CNPY3: variants seen among roughly 807,000 people sequenced by gnomAD.
The protein encoded by CNPY3 is canopy FGF signaling regulator 3.
CNPY3 carries 20 observed loss-of-function variants against 32.0 expected under a neutral mutation model. That is an observed-to-expected ratio of 0.63 (90% CI 0.44 to 0.91). CNPY3 has a LOEUF of 0.91. CNPY3 is among the 40% of genes least tolerant of loss of function. CNPY3 has a pLI of 0.00. For missense variants in CNPY3, 299 were observed against 340.8 expected (o/e 0.88, Z 0.97); for synonymous variants, 138 against 142.9 (o/e 0.97, Z 0.24).
chr6:42,931,684 G>A (rs575821951), intron 1 of CNPY3, among the ~76,000 whole-genome samples: 5 of 151,288 alleles, frequency 3.3e-5, no homozygotes, highest in East Asian at 3.9e-4. Context: ...GCCTTTCAGC[G>A]TTTCGCTTCC....
At chr6:42,930,306 C>T (rs1056266792) in intron 1 of CNPY3, among the ~76,000 whole-genome samples, 13 of 152,112 alleles carry the variant, frequency 8.5e-5, no homozygotes, top group Admixed American at 5.9e-4. Flanking sequence ...AACAACTCCT[C>T]GAAGGCAGGA....
intron 1 of CNPY3, among the ~76,000 whole-genome samples, chr6:42,930,534 A>G (rs1251432321): frequency 6.6e-6 from 1 of 152,112 alleles, no homozygotes; most frequent in Non-Finnish European, 1.5e-5. Context: ...GCGTTGAGGA[A>G]CTACAGAGAG....
upstream of CNPY3, among the ~76,000 whole-genome samples, chr6:42,928,576 G>A (rs978403573): frequency 1.3e-5 from 2 of 152,216 alleles, no homozygotes; most frequent in African/African-American, 4.8e-5. Flanking sequence ...GAGCCATTAA[G>A]TGTTCCCCTT....
chr6:42,929,472 G>C, upstream of CNPY3: 3 of 1,266,352 alleles, frequency 2.4e-6, no homozygotes, highest in Non-Finnish European at 3.2e-6. Flanking sequence ...TTGCTCGGAG[G>C]CACGTGTGCA....
chr6:42,931,229 T>A (rs1330748348), intron 1 of CNPY3, among the ~76,000 whole-genome samples: 4 of 27,104 alleles, frequency 1.5e-4, no homozygotes, highest in African/African-American at 1.3e-3. Context: ...CCTGATAGCT[T>A]TTTTTTTTTT....
At chr6:42,929,463 T>C, upstream of CNPY3, 1 of 1,200,260 alleles carries the variant, frequency 8.3e-7, no homozygotes, top group Non-Finnish European at 1.1e-6. Context: ...TTGTCGTGGT[T>C]GCTCGGAGGC....
At position 42,937,812 on chromosome 6, in the gene CNPY3, T is replaced by G; in HGVS notation, c.468T>G (p.Ser156=). The G allele has an allele frequency of 1.2e-6, 2 of 1,614,160 alleles. No homozygotes were observed. The change falls in exon 4 of 6, where the codon TCT becomes TCG. Residue 156 remains serine, a synonymous_variant. Transcript: ENST00000372836. ...DIPYELWNET[S]AEVADLKKQC... is the part of the protein sequence containing the mutation. The stretch of plus-strand genomic sequence containing the variant: ...CCTATGAGCTGTGGAACGAGACTTC[T>G]GCAGAGGTGGCTGACCTCAAGAAGC...
At chr6:42,937,901 G>T in intron 4 of CNPY3, 62 bp downstream of exon 4, 1 of 1,606,132 alleles carries the variant, frequency 6.2e-7, no homozygotes, top group Non-Finnish European at 8.5e-7. Context: ...TGGGGATTGG[G>T]TCTGCTCTGA....
rs1353881652 is a variant in CNPY3 at position 42,937,699 on chromosome 6, TC to T, written c.373-17del. The T allele has an allele frequency of 6.2e-7, 1 of 1,613,588 alleles. No individual in the cohort carries two copies. On this transcript the variant is annotated splice_polypyrimidine_tract_variant and intron_variant, in intron 3 of 5. Coordinates refer to ENST00000372836, the MANE Select transcript of CNPY3 (RefSeq NM_006586.5). ...AGAGAAGGGAGCTCCGCCTGCCATATCTGGTCGCTTCTTCCAGGGCATGTCA... is the reference window on the plus strand; with the variant it reads ...AGAGAAGGGAGCTCCGCCTGCCATATTGGTCGCTTCTTCCAGGGCATGTCA...
At chr6:42,930,216 T>C (rs1767692381) in intron 1 of CNPY3, among the ~76,000 whole-genome samples, 1 of 152,080 alleles carries the variant, frequency 6.6e-6, no homozygotes, top group Non-Finnish European at 1.5e-5. Context: ...AGATGACTCA[T>C]CTTGGGGGAA....
intron 4 of CNPY3, 100 bp from the exon 5 acceptor site, chr6:42,937,990 C>A: frequency 6.9e-7 from 1 of 1,440,886 alleles, no homozygotes; most frequent in Non-Finnish European, 9.7e-7. Flanking sequence ...TGAACCGCTG[C>A]CACTGCCTAC....
upstream of CNPY3, among the ~76,000 whole-genome samples, chr6:42,928,057 G>A (rs1767512298): frequency 6.6e-6 from 1 of 150,876 alleles, no homozygotes; most frequent in African/African-American, 2.5e-5. Context: ...GCGTGATCTC[G>A]GCTCACTGCA....
At chr6:42,931,549 C>T (rs1022468355) in intron 1 of CNPY3, among the ~76,000 whole-genome samples, 14 of 151,132 alleles carry the variant, frequency 9.3e-5, no homozygotes, top group African/African-American at 2.9e-4. Flanking sequence ...TTAGTAGAGA[C>T]GGGTTTTCAC....
intron 3 of CNPY3, among the ~76,000 whole-genome samples, chr6:42,936,634 G>T (rs563938820): frequency 6.6e-6 from 1 of 152,248 alleles, no homozygotes; most frequent in South Asian, 2.1e-4. Flanking sequence ...CTTCCAGATT[G>T]AAGCTATTCT....
chr6:42,934,654 G>A (rs1476000648), intron 2 of CNPY3, 56 bp downstream of exon 2: 2 of 1,605,642 alleles, frequency 1.2e-6, no homozygotes, highest in Non-Finnish European at 1.7e-6. Flanking sequence ...GGCTTCAGGG[G>A]TTTGGAGTTC....
At chr6:42,938,431 C>T (rs1415412166) in intron 5 of CNPY3, 137 bp from the exon 6 acceptor site, 6 of 902,076 alleles carry the variant, frequency 6.7e-6, no homozygotes, top group African/African-American at 1.7e-5. Context: ...GTGGCCACAG[C>T]GAGAGGCAGG....
intron 3 of CNPY3, 74 bp from the exon 4 acceptor site, chr6:42,937,643 T>C (rs943286478): frequency 7.1e-6 from 11 of 1,554,188 alleles, no homozygotes; most frequent in African/African-American, 1.4e-5. Context: ...GCTGGGTTCT[T>C]AGCCACCACT....
chr6:42,929,444 G>A, upstream of CNPY3: 1 of 1,011,404 alleles, frequency 9.9e-7, no homozygotes, highest in Non-Finnish European at 1.4e-6. Flanking sequence ...GCGGGCGGGA[G>A]GCTAGCTGTT....
intron 1 of CNPY3, among the ~76,000 whole-genome samples, chr6:42,931,809 T>C (rs1180578129): frequency 3.3e-5 from 5 of 152,120 alleles, no homozygotes; most frequent in African/African-American, 1.2e-4. Context: ...CTGCAACCTC[T>C]GCCTCCAGGG....
Sources: allele counts gnomAD v4.1 joint callset (sites outside exome capture counted in the v4.1 genomes callset), GRCh38; gene constraint gnomAD v4.1.1; transcripts MANE v1.5; gene names NCBI Gene and HGNC (gene_info 2026-07-23, HGNC 2026-07-21).